The following DIS3L2 variants were observed in gnomAD, a reference collection of about 807,000 sequenced individuals.
DIS3L2 encodes the protein DIS3-like exonuclease 2.
DIS3L2 carries 34 observed loss-of-function variants against 97.5 expected under a neutral mutation model. The observed-to-expected ratio is 0.35, with a 90% confidence interval of 0.27 to 0.46. DIS3L2 has a LOEUF of 0.46. Among genes scored for constraint, DIS3L2 ranks in the 20% least tolerant of loss-of-function variants. The probability of loss-of-function intolerance (pLI) is 1.00; values close to 1 mark genes in which losing one functional copy is unlikely to be tolerated. For missense variants in DIS3L2, 1,038 were observed against 1,146.0 expected, an observed-to-expected ratio of 0.91 and a Z score of 1.36; for synonymous variants, 435 against 445.2, an observed-to-expected ratio of 0.98 and a Z score of 0.29.
chr2:232,175,747 G>A (rs1357032615), intron 9 of DIS3L2, among the ~76,000 whole-genome samples: 1 of 152,002 alleles, frequency 6.6e-6, no homozygotes, highest in Non-Finnish European at 1.5e-5. Context: ...GAACTCATCA[G>A]TAAAGCCATC....
chr2:232,094,813 C>T (rs751635332), intron 6 of DIS3L2, among the ~76,000 whole-genome samples: 1 of 151,148 alleles, frequency 6.6e-6, no homozygotes, highest in African/African-American at 2.4e-5. Context: ...GTAATATTTG[C>T]TTTATATATC....
chr2:232,008,262 A>G (rs1410494820), intron 1 of DIS3L2, among the ~76,000 whole-genome samples: 4 of 151,030 alleles, frequency 2.6e-5, no homozygotes, highest in Non-Finnish European at 5.9e-5. Context: ...TCCTGGGTTC[A>G]AGCAATCTGC....
At chr2:232,098,883 T>G (rs1024442959) in intron 6 of DIS3L2, among the ~76,000 whole-genome samples, 1 of 152,210 alleles carries the variant, frequency 6.6e-6, no homozygotes, top group Non-Finnish European at 1.5e-5. Context: ...ATTTTTAATT[T>G]TAATGCAGTA....
intron 5 of DIS3L2, among the ~76,000 whole-genome samples, chr2:232,059,407 A>G (rs1423894160): frequency 6.6e-6 from 1 of 152,226 alleles, no homozygotes; most frequent in Non-Finnish European, 1.5e-5. Context: ...ATCAAAAATA[A>G]TAGCACCACC....
chr2:232,099,233 T>G (rs972709820), intron 6 of DIS3L2, among the ~76,000 whole-genome samples: 108 of 152,056 alleles, frequency 7.1e-4, no homozygotes, highest in Non-Finnish European at 1.3e-3. Context: ...TTTTTTTTTT[T>G]GGGACAGAGT....
intron 12 of DIS3L2, among the ~76,000 whole-genome samples, chr2:232,254,687 G>A (rs925708557): frequency 6.6e-6 from 1 of 152,134 alleles, no homozygotes; most frequent in Non-Finnish European, 1.5e-5. Flanking sequence ...TAAAATATGA[G>A]GGTCATAAAA....
At chr2:232,316,496 C>T (rs1288859542) in intron 14 of DIS3L2, among the ~76,000 whole-genome samples, 1 of 152,126 alleles carries the variant, frequency 6.6e-6, no homozygotes, top group Non-Finnish European at 1.5e-5. Context: ...AGCACCCTCT[C>T]CAGCCACTCC....
intron 9 of DIS3L2, among the ~76,000 whole-genome samples, chr2:232,171,829 A>G (rs564004575): frequency 2.0e-5 from 3 of 152,338 alleles, no homozygotes; most frequent in South Asian, 4.1e-4. Flanking sequence ...TCATCAGCCC[A>G]TAAAATTCAT....
intron 6 of DIS3L2, among the ~76,000 whole-genome samples, chr2:232,097,700 C>T (rs1456207418): frequency 2.6e-5 from 4 of 152,122 alleles, no homozygotes; most frequent in Non-Finnish European, 5.9e-5. Flanking sequence ...AGAGCCAAGG[C>T]CTAGAATCAG....
chr2:232,001,692 G>A (rs952823958), intron 1 of DIS3L2, among the ~76,000 whole-genome samples: 1 of 146,498 alleles, frequency 6.8e-6, no homozygotes. Context: ...TCAGTGTCAG[G>A]CCTTACATTT....
At chr2:232,157,861 C>T (rs1442503989) in intron 8 of DIS3L2, among the ~76,000 whole-genome samples, 1 of 152,196 alleles carries the variant, frequency 6.6e-6, no homozygotes, top group Admixed American at 6.5e-5. Context: ...CTTGAGCAAG[C>T]ACTGCAGCGA....
At chr2:232,091,221 C>T (rs1236983046) in intron 6 of DIS3L2, among the ~76,000 whole-genome samples, 1 of 152,184 alleles carries the variant, frequency 6.6e-6, no homozygotes, top group African/African-American at 2.4e-5. Flanking sequence ...AAATGTTCAG[C>T]TGTTGTGCTA....
At chr2:232,189,299 A>G (rs1472008471) in intron 9 of DIS3L2, among the ~76,000 whole-genome samples, 1 of 152,220 alleles carries the variant, frequency 6.6e-6, no homozygotes, top group African/African-American at 2.4e-5. Flanking sequence ...TTTACATAGA[A>G]TAGCCCAAAT....
At chr2:232,006,085 G>A (rs1694045763) in intron 1 of DIS3L2, among the ~76,000 whole-genome samples, 1 of 152,240 alleles carries the variant, frequency 6.6e-6, no homozygotes. Flanking sequence ...CTACTTGGAG[G>A]CTGAGGCAGG....
intron 13 of DIS3L2, among the ~76,000 whole-genome samples, chr2:232,263,970 T>G (rs1693790432): frequency 6.6e-6 from 1 of 152,250 alleles, no homozygotes; most frequent in Non-Finnish European, 1.5e-5. Context: ...CTGAGGAGAC[T>G]GTAGAACAGC....
intron 10 of DIS3L2, among the ~76,000 whole-genome samples, chr2:232,213,504 TGAAAAG>T (rs1227784135): frequency 1.3e-5 from 2 of 152,076 alleles, no homozygotes; most frequent in Non-Finnish European, 2.9e-5. Context: ...TCCAAGGAGT[TGAAAAG>T]GGAAAGTCAA....
chr2:232,057,908 G>A (rs1695593058), intron 5 of DIS3L2, among the ~76,000 whole-genome samples: 1 of 152,166 alleles, frequency 6.6e-6, no homozygotes, highest in Non-Finnish European at 1.5e-5. Context: ...ATGCATTTAT[G>A]ATTTGTGTAT....
chr2:232,297,943 C>T (rs988585325), intron 13 of DIS3L2, among the ~76,000 whole-genome samples: 4 of 152,138 alleles, frequency 2.6e-5, no homozygotes, highest in Admixed American at 6.5e-5. Context: ...GCAATCCACC[C>T]GCCTCGGCCT....
At chr2:232,321,095 A>G (rs1264042703) in intron 14 of DIS3L2, among the ~76,000 whole-genome samples, 1 of 152,156 alleles carries the variant, frequency 6.6e-6, no homozygotes, top group African/African-American at 2.4e-5. Flanking sequence ...ACCCATGAGG[A>G]GGCCCCAAAG....
Sources: allele counts gnomAD v4.1 joint callset (sites outside exome capture counted in the v4.1 genomes callset), GRCh38; gene constraint gnomAD v4.1.1; transcripts MANE v1.5; gene names NCBI Gene and HGNC (gene_info 2026-07-23, HGNC 2026-07-21).